SRGAP3: variants seen among roughly 807,000 people sequenced by gnomAD.
The protein encoded by SRGAP3 is SLIT-ROBO Rho GTPase activating protein 3.
In SRGAP3, 39 loss-of-function variants were observed where a neutral mutation model predicts 121.1. The ratio of observed to expected loss-of-function variants is 0.32; its 90% CI spans 0.25 to 0.42. The LOEUF is 0.42. SRGAP3 is among the 10% of genes least tolerant of loss of function. The pLI, the probability that SRGAP3 is intolerant of heterozygous loss-of-function variation, is 1.00. For synonymous variants in SRGAP3, 601 were observed against 570.0 expected, an observed-to-expected ratio of 1.05 and a Z score of -0.77; for missense variants, 1,213 against 1,470.6, an observed-to-expected ratio of 0.82 and a Z score of 2.86.
chr3:9,005,867 C>T (rs997647327), intron 18 of SRGAP3, among the ~76,000 whole-genome samples: 5 of 152,088 alleles, frequency 3.3e-5, no homozygotes, highest in South Asian at 2.1e-4. Flanking sequence ...GATGGTTGCA[C>T]ATATCTGTGA....
chr3:9,112,045 C>A (rs1948642488), intron 2 of SRGAP3, among the ~76,000 whole-genome samples: 1 of 152,214 alleles, frequency 6.6e-6, no homozygotes, highest in Non-Finnish European at 1.5e-5. Context: ...GGGAGCCAGG[C>A]CTTGCCAAGC....
In SRGAP3 at chr3:9,170,762, C is replaced by A. The variant is rs1950949349; in HGVS notation, c.68-45845G>T. The stretch of plus-strand genomic sequence containing the variant: ...GCCCAAGGAGGTGAGGGCACATGCC[C>A]AGGTCACACACCACAGATACCTGCC... On this transcript the variant is annotated intron_variant, in intron 1 of 21. Transcript: ENST00000383836. Among the ~76,000 whole-genome samples, 4 of 152,236 alleles carry A rather than the reference C, an allele frequency of 2.6e-5. No homozygotes were observed. The South Asian group carries it at 8.3e-4, about 32-fold the overall frequency.
intron 3 of SRGAP3, among the ~76,000 whole-genome samples, chr3:9,310,584 C>T (rs920014385): frequency 6.6e-6 from 1 of 152,146 alleles, no homozygotes; most frequent in Admixed American, 6.5e-5. Flanking sequence ...TTCCCCTCTT[C>T]ACTAAGGTGT....
intron 10 of SRGAP3, among the ~76,000 whole-genome samples, chr3:9,046,343 C>T (rs531718092): frequency 1.3e-5 from 2 of 152,054 alleles, no homozygotes; most frequent in Non-Finnish European, 2.9e-5. Context: ...AAATGCTCTA[C>T]CCCCTGATTT....
chr3:9,061,750 C>T (rs1047129233), intron 5 of SRGAP3, among the ~76,000 whole-genome samples: 3 of 152,072 alleles, frequency 2.0e-5, no homozygotes, highest in Non-Finnish European at 4.4e-5. Flanking sequence ...GGGAGGATGA[C>T]TGGATGGGAG....
At chr3:9,058,719 T>C in intron 6 of SRGAP3, 10 of 370,942 alleles carry the variant, frequency 2.7e-5, no homozygotes, top group African/African-American at 4.4e-5. Flanking sequence ...TCTCTCTTTT[T>C]TTTTTTTTTT....
intron 14 of SRGAP3, among the ~76,000 whole-genome samples, chr3:9,022,292 C>CACTCCAGCCTGGTGACAGAGCGAG (rs1943966003): frequency 6.6e-6 from 1 of 152,222 alleles, no homozygotes; most frequent in Non-Finnish European, 1.5e-5. Flanking sequence ...TCCGCCACCG[C>CACTCCAGCCTGGTGACAGAGCGAG]ACTCCAGCCT....
chr3:9,165,803 G>T (rs1429278628), intron 1 of SRGAP3, among the ~76,000 whole-genome samples: 3 of 152,116 alleles, frequency 2.0e-5, no homozygotes. Context: ...CACCCATTCA[G>T]CTCCCTATCA....
At chr3:9,081,973 T>G (rs79057385) in intron 3 of SRGAP3, among the ~76,000 whole-genome samples, 3,802 of 152,264 alleles carry the variant, frequency 0.025, 161 homozygotes, top group African/African-American at 0.086. Context: ...ATGGGATTAG[T>G]GCCTGATATG....
At chr3:9,144,589 C>T (rs901427722) in intron 1 of SRGAP3, among the ~76,000 whole-genome samples, 1 of 152,196 alleles carries the variant, frequency 6.6e-6, no homozygotes, top group South Asian at 2.1e-4. Context: ...CGTAATGGTA[C>T]GTGAGTCCCA....
intron 3 of SRGAP3, among the ~76,000 whole-genome samples, chr3:9,300,697 C>T (rs1184777932): frequency 6.6e-6 from 1 of 152,094 alleles, no homozygotes; most frequent in Non-Finnish European, 1.5e-5. Context: ...GAAATTTTGT[C>T]CCCCAGGAGA....
chr3:9,196,992 A>G (rs1006689729), intron 1 of SRGAP3, among the ~76,000 whole-genome samples: 3 of 152,198 alleles, frequency 2.0e-5, no homozygotes, highest in Non-Finnish European at 2.9e-5. Flanking sequence ...CACCTCTCCA[A>G]AGTTTTCGTC....
At chr3:8,995,672 A>G (rs1305310428) in intron 18 of SRGAP3, among the ~76,000 whole-genome samples, 3 of 152,214 alleles carry the variant, frequency 2.0e-5, no homozygotes, top group Admixed American at 2.0e-4. Flanking sequence ...GGACCATACA[A>G]CTAGTGATAT....
upstream of SRGAP3, among the ~76,000 whole-genome samples, chr3:9,250,013 C>T (rs1953967655): frequency 6.6e-6 from 1 of 152,102 alleles, no homozygotes; most frequent in African/African-American, 2.4e-5. Context: ...TAGGGAAAAG[C>T]ATCAATATTT....
At chr3:9,261,683 A>G (rs576238918) in intron 3 of SRGAP3, among the ~76,000 whole-genome samples, 1 of 152,144 alleles carries the variant, frequency 6.6e-6, no homozygotes, top group East Asian at 1.9e-4. Flanking sequence ...AAAGCCCCCA[A>G]GAAATATGAG....
intron 18 of SRGAP3, among the ~76,000 whole-genome samples, chr3:8,998,707 C>T (rs555961449): frequency 6.6e-6 from 1 of 152,242 alleles, no homozygotes; most frequent in African/African-American, 2.4e-5. Context: ...TATTCTGACT[C>T]CTAGAACAGA....
chr3:9,279,715 A>G (rs367839840), intron 3 of SRGAP3, among the ~76,000 whole-genome samples: 10 of 152,020 alleles, frequency 6.6e-5, no homozygotes, highest in Admixed American at 5.9e-4. Context: ...GGGTTTCACC[A>G]TCTTGACCAA....
intron 7 of SRGAP3, among the ~76,000 whole-genome samples, chr3:9,058,027 T>G (rs1042165331): frequency 1.2e-4 from 19 of 152,060 alleles, no homozygotes; most frequent in African/African-American, 4.6e-4. Flanking sequence ...TGGGAGGGGT[T>G]ATAAGGGAAG....
intron 1 of SRGAP3, among the ~76,000 whole-genome samples, chr3:9,227,306 C>T (rs538650669): frequency 6.6e-6 from 1 of 152,200 alleles, no homozygotes; most frequent in Non-Finnish European, 1.5e-5. Flanking sequence ...GCAAGCCATC[C>T]GTTCTGCCAT....
Sources: gnomAD v4.1 joint callset for allele counts (sites outside exome capture counted in the v4.1 genomes callset) on GRCh38, gnomAD v4.1.1 for gene constraint, MANE v1.5 for transcripts, NCBI Gene and HGNC (gene_info 2026-07-23, HGNC 2026-07-21) for gene names.